CBLC: variants seen among roughly 807,000 people sequenced by gnomAD.
CBLC encodes the protein E3 ubiquitin-protein ligase CBL-C.
In CBLC, 46 loss-of-function variants were observed where a neutral mutation model predicts 58.6. The ratio of observed to expected loss-of-function variants is 0.79; its 90% confidence interval spans 0.62 to 1.00. The LOEUF is 1.00. CBLC is among the 50% of genes least tolerant of loss of function. CBLC has a pLI of 0.00. For missense variants in CBLC, 655 were observed against 625.8 expected, an observed-to-expected ratio of 1.05 and a Z score of -0.50; for synonymous variants, 271 against 264.2, an observed-to-expected ratio of 1.03 and a Z score of -0.25.
chr19:44,782,566 G>A (rs1967780024), intron 4 of CBLC, 75 bp downstream of exon 4: 1 of 1,240,126 alleles, frequency 8.1e-7, no homozygotes, highest in Non-Finnish European at 1.2e-6. Context: ...GCGTGGTGGA[G>A]CCCAGATGTC....
intron 9 of CBLC, among the ~76,000 whole-genome samples, chr19:44,794,622 G>A (rs1382162635): frequency 6.6e-6 from 1 of 151,278 alleles, no homozygotes; most frequent in African/African-American, 2.4e-5. Flanking sequence ...CCACCACCAT[G>A]CCCCGCTAAT....
intron 4 of CBLC, among the ~76,000 whole-genome samples, chr19:44,783,776 C>T (rs1210889313): frequency 6.6e-6 from 1 of 152,208 alleles, no homozygotes; most frequent in African/African-American, 2.4e-5. Flanking sequence ...GAATCAGTTC[C>T]TGTTCATCCC....
intron 9 of CBLC, among the ~76,000 whole-genome samples, chr19:44,798,363 G>T (rs1968221084): frequency 6.6e-6 from 1 of 152,096 alleles, no homozygotes; most frequent in Admixed American, 6.6e-5. Context: ...GATGAAGCCA[G>T]CAAGCTCAGT....
At chr19:44,791,315 A>G (rs914847455) in intron 6 of CBLC, among the ~76,000 whole-genome samples, 2 of 151,760 alleles carry the variant, frequency 1.3e-5, no homozygotes, top group Non-Finnish European at 2.9e-5. Flanking sequence ...CGCAAAAAAA[A>G]AAAAAAAGAA....
intron 6 of CBLC, among the ~76,000 whole-genome samples, chr19:44,790,568 A>T (rs1358093916): frequency 6.6e-6 from 1 of 151,900 alleles, no homozygotes; most frequent in Non-Finnish European, 1.5e-5. Context: ...CCGAGCAGCC[A>T]GGAGTACAGG....
intron 5 of CBLC, among the ~76,000 whole-genome samples, chr19:44,784,825 C>T (rs1350673598): frequency 1.3e-5 from 2 of 151,982 alleles, no homozygotes; most frequent in African/African-American, 4.8e-5. Context: ...CTCGGCCTCC[C>T]AAAGTGTTGA....
chr19:44,798,150 T>C (rs927613004), intron 9 of CBLC, among the ~76,000 whole-genome samples: 6 of 149,502 alleles, frequency 4.0e-5, no homozygotes, highest in Non-Finnish European at 5.9e-5. Flanking sequence ...AGTGTTTTCA[T>C]GGGGAAAATG....
At chr19:44,782,686 T>C (rs184303214) in intron 4 of CBLC, among the ~76,000 whole-genome samples, 195 bp downstream of exon 4, 5 of 152,266 alleles carry the variant, frequency 3.3e-5, no homozygotes, top group Non-Finnish European at 5.9e-5. Flanking sequence ...CCTCCTGTAC[T>C]GTCCCATAAT....
Position 44,790,069 on chromosome 19 carries a change from A to G in CBLC, c.983A>G (p.Gln328Arg). 1 of 1,613,750 alleles carries G rather than the reference A, an allele frequency of 6.2e-7. No homozygotes were observed. Among genetic ancestry groups the G allele is most frequent in the Non-Finnish European group, 8.5e-7 (1 of 1,179,898 alleles). ...DLTELGQAEP[Q>R]QRIHVSEEQL... ...ACTGAGCTCGGCCAGGCAGAACCCC[A>G]GCAGCGCATCCACGTGTCAGAGGTG... The change falls in exon 6 of 11, where the codon CAG becomes CGG. Residue 328 changes from glutamine to arginine, a missense_variant. This residue lies in a region of CBLC where 371 missense variants were observed against 370.8 expected (regional missense o/e 1.00). Coordinates refer to ENST00000647358, the MANE Select transcript of CBLC (RefSeq NM_012116.4).
Position 44,781,491 on chromosome 19 carries a change from C to T in CBLC, c.657+128C>T, listed in dbSNP as rs113448526. 8.9e-3 allele frequency: 7,002 copies of T among 784,306 alleles called. 357 individuals are homozygous for T. In the African/African-American group the frequency reaches 0.12, roughly 14 times the overall value. 48.6% of individuals were successfully genotyped at this position (784,306 alleles called of 1,614,324 possible). On this transcript the variant is annotated intron_variant, in intron 3 of 10. Coordinates refer to ENST00000647358, the MANE Select transcript of CBLC (RefSeq NM_012116.4). ...CTCCTGGATCTGAGGGAGGAGGGGC[C>T]GGGGCCTGGACTCCTGGGTCTGAGG...
intron 8 of CBLC, 43 bp from the exon 9 acceptor site, chr19:44,794,161 T>C (rs942792481): frequency 1.3e-6 from 2 of 1,578,560 alleles, no homozygotes; most frequent in Non-Finnish European, 1.7e-6. Flanking sequence ...GAGAAGAAAA[T>C]GGCAGCTCAC....
intron 4 of CBLC, 141 bp from the exon 5 acceptor site, chr19:44,784,123 C>T (rs1967821437): frequency 1.5e-6 from 1 of 677,920 alleles, no homozygotes; most frequent in East Asian, 2.7e-5. Flanking sequence ...AGGGGTCTAG[C>T]ACATGCCGTT....
At chr19:44,797,062 T>A (rs572270668) in intron 9 of CBLC, among the ~76,000 whole-genome samples, 55 of 152,196 alleles carry the variant, frequency 3.6e-4, no homozygotes, top group Non-Finnish European at 6.3e-4. Context: ...GACAGGGACC[T>A]CGGGCCTGAT....
intron 5 of CBLC, among the ~76,000 whole-genome samples, chr19:44,789,306 G>A (rs149841719): frequency 5.3e-5 from 8 of 152,324 alleles, no homozygotes; most frequent in Non-Finnish European, 1.0e-4. Context: ...GATATTATCA[G>A]ATTCTAGGAT....
intron 9 of CBLC, 121 bp downstream of exon 9, chr19:44,794,402 G>A: frequency 2.7e-6 from 2 of 728,298 alleles, no homozygotes; most frequent in South Asian, 4.0e-5. Context: ...CATTTCCAAG[G>A]CACCCATCCC....
Position 44,793,562 on chromosome 19 carries a change from C to T in CBLC, c.1226C>T (p.Thr409Ile). The T allele has an allele frequency of 1.9e-6, 3 of 1,610,958 alleles. No homozygotes were observed. The South Asian group carries it at 3.3e-5, about 18-fold the overall frequency. ...ATCTACCAGTTCCACGGTCAGGCTA[C>T]TGCTGAGGACTCAGGGAACAGCAGT... ...VSIYQFHGQA[T>I]AEDSGNSSDQ... is the part of the protein sequence containing the mutation. Residue 409 changes from threonine (T) to isoleucine (I), a missense_variant, in exon 8 of 11, where the codon ACT (threonine) becomes ATT (isoleucine). Transcript: ENST00000647358.
At chr19:44,782,119 G>A (rs1967764255) in intron 3 of CBLC, among the ~76,000 whole-genome samples, 1 of 146,392 alleles carries the variant, frequency 6.8e-6, no homozygotes, top group Non-Finnish European at 1.5e-5. Context: ...GAGGGGGTGA[G>A]GGCCTGGACT....
intron 6 of CBLC, 65 bp downstream of exon 6, chr19:44,790,156 C>A: frequency 1.6e-6 from 2 of 1,241,454 alleles, no homozygotes; most frequent in Non-Finnish European, 1.2e-6. Context: ...GTTGCCTTGG[C>A]TCAGAGGCCT....
At chr19:44,794,800 G>A (rs1333900691) in intron 9 of CBLC, among the ~76,000 whole-genome samples, 2 of 151,830 alleles carry the variant, frequency 1.3e-5, no homozygotes, top group Non-Finnish European at 2.9e-5. Context: ...CATCCCAGAT[G>A]TGTCCTACCT....
Sources: allele counts gnomAD v4.1 joint callset (sites outside exome capture counted in the v4.1 genomes callset), GRCh38; gene constraint gnomAD v4.1.1; regional missense constraint gnomAD v4.1.1; transcripts MANE v1.5; gene names NCBI Gene and HGNC (gene_info 2026-07-23, HGNC 2026-07-21).